The following UNC80 variants were observed in gnomAD, a reference collection of about 807,000 sequenced individuals.
UNC80 encodes the protein protein unc-80 homolog.
A neutral mutation model predicts 384.6 loss-of-function variants in UNC80; 164 were observed. The observed-to-expected ratio is 0.43, with a 90% confidence interval of 0.38 to 0.49. The LOEUF (loss-of-function observed/expected upper bound fraction) is 0.49, where lower values mean the gene tolerates loss of function less well. Ranked by LOEUF, UNC80 falls within the 20% of genes least tolerant of loss-of-function variation. UNC80 has a pLI of 0.00. For missense variants in UNC80, 3,330 were observed against 4,143.0 expected, an observed-to-expected ratio of 0.80 and a Z score of 5.39; for synonymous variants, 1,486 against 1,527.8, an observed-to-expected ratio of 0.97 and a Z score of 0.64.
At chr2:209,847,265 ACTTAT>A (rs1022629474) in intron 21 of UNC80, among the ~76,000 whole-genome samples, 13 of 152,056 alleles carry the variant, frequency 8.5e-5, no homozygotes, top group African/African-American at 2.4e-4. Flanking sequence ...AATTTTAAAA[ACTTAT>A]CTTATAGGGC....
chr2:209,992,024 C>T, intron 61 of UNC80, 142 bp from the exon 62 acceptor site: 2 of 595,924 alleles, frequency 3.4e-6, no homozygotes, highest in Non-Finnish European at 5.5e-6. Flanking sequence ...AACACCCATC[C>T]CAGGGACTCT....
chr2:209,774,474 G>A (rs1009539316), intron 2 of UNC80, among the ~76,000 whole-genome samples: 4 of 151,630 alleles, frequency 2.6e-5, no homozygotes, highest in Non-Finnish European at 4.4e-5. Flanking sequence ...TAATAGATAG[G>A]GATAGATATA....
At chr2:209,821,609 C>T (rs1015235000) in intron 13 of UNC80, among the ~76,000 whole-genome samples, 12 of 152,202 alleles carry the variant, frequency 7.9e-5, no homozygotes, top group Admixed American at 5.2e-4. Context: ...CAATGTGGCA[C>T]ATCCCCATGG....
intron 60 of UNC80, among the ~76,000 whole-genome samples, chr2:209,984,540 C>A (rs1347167972): frequency 1.3e-5 from 2 of 152,156 alleles, no homozygotes; most frequent in Non-Finnish European, 2.9e-5. Flanking sequence ...GTTTCATCTT[C>A]TACAGATTCA....
chr2:209,799,536 C>T (rs2153826183), intron 7 of UNC80, among the ~76,000 whole-genome samples: 1 of 152,280 alleles, frequency 6.6e-6, no homozygotes, highest in East Asian at 1.9e-4. Context: ...ACTTGAGTTC[C>T]TCTCTTCCTA....
At chr2:209,793,603 A>T (rs971440617) in intron 6 of UNC80, 117 bp from the exon 7 acceptor site, 1 of 1,255,918 alleles carries the variant, frequency 8.0e-7, no homozygotes, top group East Asian at 2.4e-5. Context: ...CTATAGTGAA[A>T]AAAAGCCCAT....
chr2:209,856,224 C>T (rs1290399226), intron 22 of UNC80, among the ~76,000 whole-genome samples: 2 of 152,046 alleles, frequency 1.3e-5, no homozygotes, highest in Non-Finnish European at 2.9e-5. Context: ...GTCTTGTCAT[C>T]AGTTTATTTA....
intron 64 of UNC80, among the ~76,000 whole-genome samples, chr2:209,994,684 G>C (rs907654849): frequency 6.6e-6 from 1 of 151,990 alleles, no homozygotes; most frequent in East Asian, 1.9e-4. Context: ...CAGATTTTTG[G>C]ATTAAGGATG....
intron 17 of UNC80, 82 bp downstream of exon 17, chr2:209,834,250 T>A: frequency 7.1e-7 from 1 of 1,415,184 alleles, no homozygotes; most frequent in Non-Finnish European, 9.6e-7. Context: ...GTGTGGTTCC[T>A]GTGCTGAAAT....
chr2:209,964,291 C>T (rs1055944882), intron 51 of UNC80, among the ~76,000 whole-genome samples: 9 of 152,162 alleles, frequency 5.9e-5, no homozygotes, highest in African/African-American at 1.9e-4. Flanking sequence ...AACTAGGAAT[C>T]CTGTACCTCC....
chr2:209,788,467 A>C (rs933381436), intron 5 of UNC80, among the ~76,000 whole-genome samples: 2 of 149,758 alleles, frequency 1.3e-5, no homozygotes, highest in Admixed American at 6.7e-5. Context: ...ACATACGTTT[A>C]TAAGTATATA....
chr2:209,934,627 T>C (rs2091117543), intron 39 of UNC80, among the ~76,000 whole-genome samples: 1 of 152,160 alleles, frequency 6.6e-6, no homozygotes, highest in African/African-American at 2.4e-5. Context: ...GAACACAGGT[T>C]CTCGCAGCAA....
intron 48 of UNC80, among the ~76,000 whole-genome samples, chr2:209,957,270 C>G (rs1003602546): frequency 1.3e-5 from 2 of 152,028 alleles, no homozygotes; most frequent in African/African-American, 4.8e-5. Context: ...TTGCCTTTTA[C>G]TTATTATCTA....
At chr2:209,855,584 A>G (rs1429695548) in intron 22 of UNC80, among the ~76,000 whole-genome samples, 1 of 152,162 alleles carries the variant, frequency 6.6e-6, no homozygotes, top group South Asian at 2.1e-4. Context: ...GTGTTCCCTT[A>G]CCTAATCACA....
At chr2:209,956,570 T>C (rs977915296) in intron 48 of UNC80, among the ~76,000 whole-genome samples, 1 of 150,268 alleles carries the variant, frequency 6.7e-6, no homozygotes, top group Non-Finnish European at 1.5e-5. Context: ...CCTTTTTTTT[T>C]TAAATTTTTT....
At chr2:209,829,033 C>T (rs1293381635) in intron 14 of UNC80, among the ~76,000 whole-genome samples, 199 bp from the exon 15 acceptor site, 2 of 152,070 alleles carry the variant, frequency 1.3e-5, no homozygotes. Flanking sequence ...CAGTTGTTCT[C>T]AATGTAAACA....
At position 209,830,104 on chromosome 2, in the gene UNC80, A is replaced by G. The variant is rs191352761; in HGVS notation, c.2626+725A>G. ...TGAGTTGAATAAAATACACATTTTA[A>G]TTAGAGTCTGGGAAGGATAGCTTTG... On this transcript the variant is annotated intron_variant, in intron 15 of 64. Transcript: ENST00000673920. Among the ~76,000 whole-genome samples the G allele has an allele frequency of 1.3e-3, 192 of 152,358 alleles. 1 individual carries two copies. Among genetic ancestry groups the G allele is most frequent in the African/African-American group, 4.0e-3 (166 of 41,586 alleles).
chr2:209,830,879 T>A (rs984017669), intron 15 of UNC80, among the ~76,000 whole-genome samples: 1 of 152,196 alleles, frequency 6.6e-6, no homozygotes, highest in African/African-American at 2.4e-5. Context: ...CTGGGAGAAC[T>A]CTGCAGTTCT....
At chr2:209,988,615 T>C (rs1302853852) in intron 61 of UNC80, among the ~76,000 whole-genome samples, 1 of 152,212 alleles carries the variant, frequency 6.6e-6, no homozygotes, top group African/African-American at 2.4e-5. Context: ...CATTAGGAGA[T>C]GCATACATAT....
Sources: allele counts gnomAD v4.1 joint callset (sites outside exome capture counted in the v4.1 genomes callset), GRCh38; gene constraint gnomAD v4.1.1; transcripts MANE v1.5; gene names NCBI Gene and HGNC (gene_info 2026-07-23, HGNC 2026-07-21).